The following SPTBN4 variants were observed in gnomAD, a reference collection of about 807,000 sequenced individuals.
SPTBN4 encodes spectrin beta chain, non-erythrocytic 4.
A neutral mutation model predicts 277.8 loss-of-function variants in SPTBN4; 96 were observed. The observed-to-expected ratio is 0.35, with a 90% CI of 0.29 to 0.41. The LOEUF is 0.41. SPTBN4 is among the 10% of genes least tolerant of loss of function. The pLI is 1.00. For missense variants in SPTBN4, 3,006 were observed against 3,595.7 expected (o/e 0.84, Z 4.19); for synonymous variants, 1,481 against 1,580.3 (o/e 0.94, Z 1.49).
Position 40,487,674 on chromosome 19 carries a change from G to C in SPTBN4, c.170-23G>C, listed in dbSNP as rs750267273. 4.4e-6 allele frequency: 7 copies of C among 1,597,696 alleles called. No individual in the cohort carries two copies. The South Asian group carries it at 7.9e-5, about 18-fold the overall frequency. ...GGGGTGAAGGTGGAAGCGCCTGGGGGCTCATCAGGGCCTCTCCTCCAGATG... is the reference window on the plus strand; with the variant it reads ...GGGGTGAAGGTGGAAGCGCCTGGGGCCTCATCAGGGCCTCTCCTCCAGATG... On this transcript the variant is annotated intron_variant, in intron 2 of 35. Coordinates refer to ENST00000598249, the MANE Select transcript of SPTBN4 (RefSeq NM_020971.3).
chr19:40,567,731 G>A lies in SPTBN4; in HGVS notation c.6405G>A (p.Gly2135=). 1 of 1,558,104 alleles carries A rather than the reference G, an allele frequency of 6.4e-7. No homozygotes were observed. The highest frequency in any genetic ancestry group is 8.7e-7 in the Non-Finnish European group (1 of 1,153,298). ...PTPLLGRKFF[G]DPTELAAKAA... ...CACTGCTGGGGCGCAAGTTCTTTGG[G>A]GACCCCACGGAACTGGCGGCCAAGG... The change falls in exon 31 of 36, where the codon GGG becomes GGA. Residue 2135 remains glycine (G), a synonymous_variant. Coordinates refer to ENST00000598249, the MANE Select transcript of SPTBN4 (RefSeq NM_020971.3).
At chr19:40,497,033 C>T (rs1447805112) in intron 6 of SPTBN4, among the ~76,000 whole-genome samples, 1 of 149,824 alleles carries the variant, frequency 6.7e-6, no homozygotes, top group Non-Finnish European at 1.5e-5. Context: ...GGATCGCGCC[C>T]CTGCACTCCA....
At chr19:40,469,258 G>T (rs2079857971) in intron 1 of SPTBN4, among the ~76,000 whole-genome samples, 1 of 151,564 alleles carries the variant, frequency 6.6e-6, no homozygotes, top group African/African-American at 2.4e-5. Context: ...TCCTTTGTTA[G>T]TCTTTTTTTT....
chr19:40,525,859 C>T (rs1231992884), intron 17 of SPTBN4, among the ~76,000 whole-genome samples: 1 of 152,148 alleles, frequency 6.6e-6, no homozygotes, highest in Non-Finnish European at 1.5e-5. Context: ...AGCATTTGTC[C>T]CAGGCTTGTG....
Position 40,566,143 on chromosome 19 carries a change from C to A in SPTBN4, c.6140-20C>A. The A allele has an allele frequency of 6.8e-7, 1 of 1,476,112 alleles. No homozygotes were observed. 91.4% of individuals were successfully genotyped at this position (1,476,112 alleles called of 1,614,324 possible). A position where few individuals can be genotyped will look rare whatever the true frequency, so the allele number is the denominator to read the frequency against. On this transcript the variant is annotated intron_variant, in intron 29 of 35. Coordinates refer to ENST00000598249, the MANE Select transcript of SPTBN4 (RefSeq NM_020971.3). ...GGCCCCAGATGCCCCAGAATCCTTA[C>A]CCTGCATGCCCCTCCTCAGTGCTGG...
intron 20 of SPTBN4, among the ~76,000 whole-genome samples, chr19:40,535,041 CTGTTGTTGA>C (rs2080719553): frequency 6.6e-6 from 1 of 151,978 alleles, no homozygotes; most frequent in South Asian, 2.1e-4. Context: ...TTTTTTGTTG[CTGTTGTTGA>C]TGTTGTTGTT....
chr19:40,569,949 C>CACACACACAT (rs2081134783), intron 32 of SPTBN4, among the ~76,000 whole-genome samples: 2 of 147,454 alleles, frequency 1.4e-5, no homozygotes, highest in Non-Finnish European at 3.0e-5. Flanking sequence ...CACACACACA[C>CACACACACAT]ACACACACAC....
intron 2 of SPTBN4, among the ~76,000 whole-genome samples, chr19:40,483,984 G>T (rs1211889844): frequency 6.6e-6 from 1 of 152,162 alleles, no homozygotes; most frequent in Non-Finnish European, 1.5e-5. Flanking sequence ...AGCTGAGGTG[G>T]AACGATGGCT....
intron 24 of SPTBN4, 110 bp from the exon 25 acceptor site, chr19:40,555,974 T>G: frequency 1.1e-6 from 1 of 946,416 alleles, no homozygotes. Context: ...CAGCCGTGTC[T>G]GAAGATTCCA....
At chr19:40,545,915 C>T (rs1006933808) in intron 20 of SPTBN4, among the ~76,000 whole-genome samples, 6 of 152,074 alleles carry the variant, frequency 3.9e-5, no homozygotes, top group African/African-American at 1.2e-4. Flanking sequence ...TGGTGGTGGG[C>T]ACCTGTAGTC....
intron 18 of SPTBN4, among the ~76,000 whole-genome samples, chr19:40,529,543 A>T (rs1401540165): frequency 6.6e-6 from 1 of 152,164 alleles, no homozygotes; most frequent in Non-Finnish European, 1.5e-5. Context: ...GATGGCTCTG[A>T]ACCAAGCCCT....
chr19:40,524,836 C>T (rs1197377449), intron 17 of SPTBN4, among the ~76,000 whole-genome samples: 1 of 152,216 alleles, frequency 6.6e-6, no homozygotes, highest in East Asian at 1.9e-4. Flanking sequence ...CTTGTCTGTC[C>T]TTGCACTAAT....
rs960411499 is a variant in SPTBN4, at chr19:40,515,688, T to G, written c.2903+240T>G. Among the ~76,000 whole-genome samples, 6 of 152,260 alleles carry G rather than the reference T, an allele frequency of 3.9e-5. No homozygotes were observed. The highest frequency in any genetic ancestry group is 3.9e-4 in the East Asian group (2 of 5,180). On this transcript the variant is annotated intron_variant, in intron 15 of 35. Transcript: ENST00000598249. The surrounding 1 kb of genome is among the most constrained non-coding windows in gnomAD (Gnocchi z 4.1). ...AAGAATGTATTGGATATCTACAATC[T>G]GCCAGGAGTATTCCCAAGCACTTTA...
chr19:40,524,880 G>A (rs2080572162), intron 17 of SPTBN4, among the ~76,000 whole-genome samples: 1 of 152,206 alleles, frequency 6.6e-6, no homozygotes, highest in African/African-American at 2.4e-5. Flanking sequence ...TCTACTGTGT[G>A]CCAGGCACTA....
At chr19:40,543,788 C>T (rs2080825951) in intron 20 of SPTBN4, among the ~76,000 whole-genome samples, 1 of 152,130 alleles carries the variant, frequency 6.6e-6, no homozygotes, top group Non-Finnish European at 1.5e-5. Context: ...CCAAAGAGAG[C>T]CTCAGTTATT....
chr19:40,498,373 T>TTTA (rs200114116), intron 7 of SPTBN4, among the ~76,000 whole-genome samples: 10 of 141,162 alleles, frequency 7.1e-5, no homozygotes, highest in South Asian at 2.3e-4. Context: ...TTTTATTTTA[T>TTTA]TTTATTTATT....
intron 20 of SPTBN4, 48 bp from the exon 21 acceptor site, chr19:40,549,141 G>C: frequency 5.4e-6 from 8 of 1,470,686 alleles, no homozygotes; most frequent in Non-Finnish European, 6.4e-6. Flanking sequence ...GCCACAGCAG[G>C]ATCAGGAGGG....
At chr19:40,568,896 C>A (rs1339429982) in intron 31 of SPTBN4, among the ~76,000 whole-genome samples, 2 of 152,166 alleles carry the variant, frequency 1.3e-5, no homozygotes, top group Non-Finnish European at 2.9e-5. Context: ...TTTTAAATTG[C>A]ACATTTCATG....
At chr19:40,569,975 GAC>G (rs1224465456) in intron 32 of SPTBN4, among the ~76,000 whole-genome samples, 18 of 48,424 alleles carry the variant, frequency 3.7e-4, no homozygotes, top group African/African-American at 1.4e-3. Context: ...CACACACACA[GAC>G]ACACACACAC....
Sources: allele counts gnomAD v4.1 joint callset (sites outside exome capture counted in the v4.1 genomes callset), GRCh38; gene constraint gnomAD v4.1.1; non-coding constraint Gnocchi (gnomAD v3.1); transcripts MANE v1.5; gene names NCBI Gene and HGNC (gene_info 2026-07-23, HGNC 2026-07-21).